Variants in MLLT1 observed in about 807,000 individuals in gnomAD.
The protein encoded by MLLT1 is MLLT1 super elongation complex subunit.
Under a neutral mutation model 55.1 loss-of-function variants are expected in MLLT1, and 11 were observed. The ratio of observed to expected loss-of-function variants is 0.20; its 90% CI spans 0.13 to 0.33. MLLT1 has a LOEUF of 0.33. Among genes scored for constraint, MLLT1 ranks in the 10% least tolerant of loss-of-function variants. The pLI is 1.00. For missense variants in MLLT1, 536 were observed against 760.6 expected, an observed-to-expected ratio of 0.70 and a Z score of 3.47; for synonymous variants, 323 against 320.1, an observed-to-expected ratio of 1.01 and a Z score of -0.10.
chr19:6,270,313 A>G lies in MLLT1; in HGVS notation c.193+266T>C, dbSNP rs1442035885. On this transcript the variant is annotated intron_variant, in intron 2 of 11. Transcript: ENST00000252674. This position sits in a 1 kb window ranked among gnomAD's most constrained non-coding sequence, Gnocchi z 7.1. The stretch of plus-strand genomic sequence containing the variant: ...GACTTCACCTGTCCCACCCATGCCA[A>G]CCTGGCTGTGCTCCCTGGCTGCTTC... Among the ~76,000 whole-genome samples the G allele has an allele frequency of 6.6e-6, 1 of 152,132 alleles. No homozygotes were observed. Among genetic ancestry groups the G allele is most frequent in the Non-Finnish European group, 1.5e-5 (1 of 68,010 alleles).
In MLLT1 at chr19:6,230,116, G is replaced by A. The variant is rs368285317; in HGVS notation, c.420+454C>T. ...TCCGGAGGGCTCGACTCCAGCCACC[G>A]CATGGGGGTCCCGGCCACACGACTC... On this transcript the variant is annotated intron_variant, in intron 4 of 11. Coordinates refer to ENST00000252674, the MANE Select transcript of MLLT1 (RefSeq NM_005934.4). This position sits in a 1 kb window ranked among gnomAD's most constrained non-coding sequence, Gnocchi z 9.0. 1.1e-4 allele frequency among the ~76,000 whole-genome samples: 17 copies of A among 152,072 alleles called. No homozygotes were observed. Among genetic ancestry groups the A allele is most frequent in the Admixed American group, 3.9e-4 (6 of 15,274 alleles).
At position 6,275,831 on chromosome 19, in the gene MLLT1, C is replaced by T. The variant is rs940073005; in HGVS notation, c.12+3942G>A. 9.2e-5 allele frequency among the ~76,000 whole-genome samples: 14 copies of T among 152,360 alleles called. No homozygotes were observed. The South Asian group carries it at 2.9e-3, about 32-fold the overall frequency. On this transcript the variant is annotated intron_variant, in intron 1 of 11. Transcript: ENST00000252674. ...TTCCCCTTTATAGGGTCTGCAGATT[C>T]CTGGTAAGACTGACTCTCTGACCAC...
rs201635778 is a variant in MLLT1 at position 6,213,096 on chromosome 19, C to G, written c.1626G>C (p.Leu542=). 4.3e-6 allele frequency: 7 copies of G among 1,613,960 alleles called. No homozygotes were observed. In the Admixed American group the frequency reaches 1.2e-4, roughly 27 times the overall value. ...GCAGTTTGCGCACGGTGGTCTCGTC[C>G]AGGGAGAAGAGGTCGAAGTCGAAGG... The part of the protein sequence containing the change: ...NTTFDFDLFS[L]DETTVRKLQS... Residue 542 remains leucine (L), a synonymous_variant, in exon 12 of 12, where the codon CTG becomes CTC. Coordinates refer to ENST00000252674, the MANE Select transcript of MLLT1 (RefSeq NM_005934.4).
chr19:6,235,156 TGG>T lies in MLLT1; in HGVS notation c.277-4445_277-4444del, dbSNP rs1162326384. Among the ~76,000 whole-genome samples the T allele has an allele frequency of 6.6e-6, 1 of 152,186 alleles. No individual in the cohort carries two copies. Among genetic ancestry groups the T allele is most frequent in the African/African-American group, 2.4e-5 (1 of 41,448 alleles). The stretch of plus-strand genomic sequence containing the variant: ...GGCTTGGCTGTGCAGGGACCACCTT[TGG>T]GTGGGTGACGGCTACGAGGGGGTTT... On this transcript the variant is annotated intron_variant, in intron 3 of 11. Coordinates refer to ENST00000252674, the MANE Select transcript of MLLT1 (RefSeq NM_005934.4). This position sits in a 1 kb window ranked among gnomAD's most constrained non-coding sequence, Gnocchi z 5.5.
chr19:6,212,319 C>A lies in MLLT1; in HGVS notation c.*723G>T, dbSNP rs1019951854. The A allele has an allele frequency of 4.7e-6, 5 of 1,065,458 alleles. No individual in the cohort carries two copies. Among genetic ancestry groups the A allele is most frequent in the African/African-American group, 1.6e-5 (1 of 60,986 alleles). The allele number at this position is 1,065,458 out of a possible 1,614,324, so 66.0% of individuals were successfully genotyped here. The stretch of plus-strand genomic sequence containing the variant: ...ACGGCAAAGGGAGAATTCCTCCATG[C>A]GCCTGGAGAGGGCCAGCTGCCGTGC... On this transcript the variant is annotated 3_prime_UTR_variant, in exon 12 of 12. Coordinates refer to ENST00000252674, the MANE Select transcript of MLLT1 (RefSeq NM_005934.4).
At position 6,235,810 on chromosome 19, in the gene MLLT1, C is replaced by T. The variant is rs372389199; in HGVS notation, c.277-5097G>A. The stretch of plus-strand genomic sequence containing the variant: ...GAGCCTGGAGGAGGCTCCACATCCT[C>T]GGTGCAGCCAGAGGGACATGCTGCC... On this transcript the variant is annotated intron_variant, in intron 3 of 11. Coordinates refer to ENST00000252674, the MANE Select transcript of MLLT1 (RefSeq NM_005934.4). This position sits in a 1 kb window ranked among gnomAD's most constrained non-coding sequence, Gnocchi z 5.5. Among the ~76,000 whole-genome samples, 61 of 152,304 alleles carry T rather than the reference C, an allele frequency of 4.0e-4. No individual in the cohort carries two copies. Among genetic ancestry groups the T allele is most frequent in the African/African-American group, 1.1e-3 (46 of 41,576 alleles).
In MLLT1 at chr19:6,211,666, A is replaced by G. The variant is rs2090773427; in HGVS notation, c.*1376T>C. 3.8e-6 allele frequency: 4 copies of G among 1,064,432 alleles called. No homozygotes were observed. In the Admixed American group the frequency reaches 1.6e-4, roughly 43 times the overall value. The allele number at this position is 1,064,432 out of a possible 1,614,324, so 65.9% of individuals were successfully genotyped here. ...AAGGACTTGAAAGGACTTGAAAGTCAGGGGGTTGAGAGGACTGGAGGCGCC... is the reference window on the plus strand; with the variant it reads ...AAGGACTTGAAAGGACTTGAAAGTCGGGGGGTTGAGAGGACTGGAGGCGCC... On this transcript the variant is annotated 3_prime_UTR_variant, in exon 12 of 12. Coordinates refer to ENST00000252674, the MANE Select transcript of MLLT1 (RefSeq NM_005934.4). This position sits in a 1 kb window ranked among gnomAD's most constrained non-coding sequence, Gnocchi z 4.6.
chr19:6,236,201 C>T (rs571354830), intron 3 of MLLT1, among the ~76,000 whole-genome samples: 7 of 152,344 alleles, frequency 4.6e-5, no homozygotes, highest in African/African-American at 7.2e-5. Context: ...GAAACAGCCA[C>T]GCAGCAGTGA....
At position 6,270,165 on chromosome 19, in the gene MLLT1, G is replaced by A. The variant is rs1285806234; in HGVS notation, c.193+414C>T. On this transcript the variant is annotated intron_variant, in intron 2 of 11. Coordinates refer to ENST00000252674, the MANE Select transcript of MLLT1 (RefSeq NM_005934.4). This position sits in a 1 kb window ranked among gnomAD's most constrained non-coding sequence, Gnocchi z 7.1. ...AGGCTTGAAGGGAGAGGGAAGACAC[G>A]GAAAAGACAGTGGTGACATGAGCTC... 2.7e-5 allele frequency among the ~76,000 whole-genome samples: 4 copies of A among 150,706 alleles called. No individual in the cohort carries two copies. The highest frequency in any genetic ancestry group is 4.4e-5 in the Non-Finnish European group (3 of 67,572).
intron 3 of MLLT1, among the ~76,000 whole-genome samples, chr19:6,258,592 G>A (rs1197763608): frequency 1.3e-5 from 2 of 152,188 alleles, no homozygotes; most frequent in African/African-American, 4.8e-5. Context: ...CCTACCAACA[G>A]GTCAAACAAA....
rs766834231 is a variant in MLLT1 at position 6,227,150 on chromosome 19, G to A, written c.421-48C>T. 5.1e-6 allele frequency: 8 copies of A among 1,557,462 alleles called. No homozygotes were observed. The highest frequency in any genetic ancestry group is 3.6e-5 in the South Asian group (3 of 83,896). ...CATTATCGATGGGCAGGGGGCAGGG[G>A]GCCCACACGGGCCGGGCTGAAGGTG... On this transcript the variant is annotated intron_variant, in intron 4 of 11. Coordinates refer to ENST00000252674, the MANE Select transcript of MLLT1 (RefSeq NM_005934.4). This position sits in a 1 kb window ranked among gnomAD's most constrained non-coding sequence, Gnocchi z 5.1.
At position 6,222,571 on chromosome 19, in the gene MLLT1, A is replaced by G. The variant is rs1156250391; in HGVS notation, c.660T>C (p.Arg220=). Residue 220 remains arginine, a synonymous_variant, in exon 6 of 12, where the codon CGT becomes CGC. Coordinates refer to ENST00000252674, the MANE Select transcript of MLLT1 (RefSeq NM_005934.4). The surrounding 1 kb of genome is among the most constrained non-coding windows in gnomAD (Gnocchi z 4.1). ...ESKSSSKELE[R]EQAKSSKDTS... ...TGTCCTTGGAGCTTTTGGCCTGCTCACGCTCCAGCTCCTTGGAGGAGCTCT... is the reference window on the plus strand; with the variant it reads ...TGTCCTTGGAGCTTTTGGCCTGCTCGCGCTCCAGCTCCTTGGAGGAGCTCT... 1 of 1,600,718 alleles carries G rather than the reference A, an allele frequency of 6.2e-7. No individual in the cohort carries two copies. The highest frequency in any genetic ancestry group is 1.1e-5 in the South Asian group (1 of 91,020).
In MLLT1 at chr19:6,262,148, C is replaced by G; in HGVS notation, c.276+80G>C. ...CATGGGCAGCGGCCAGTTCTCTGGC[C>G]TGTTTTGTGAACTGCCGTGGCACCC... On this transcript the variant is annotated intron_variant, in intron 3 of 11. Coordinates refer to ENST00000252674, the MANE Select transcript of MLLT1 (RefSeq NM_005934.4). This position sits in a 1 kb window ranked among gnomAD's most constrained non-coding sequence, Gnocchi z 4.4. 2 of 1,115,512 alleles carry G rather than the reference C, an allele frequency of 1.8e-6. No homozygotes were observed. The highest frequency in any genetic ancestry group is 2.7e-6 in the Non-Finnish European group (2 of 732,374). The allele number at this position is 1,115,512 out of a possible 1,614,324, so 69.1% of individuals were successfully genotyped here. A position where few individuals can be genotyped will look rare whatever the true frequency, so the allele number is the denominator to read the frequency against.
intron 3 of MLLT1, among the ~76,000 whole-genome samples, chr19:6,247,596 A>G (rs1478036219): frequency 6.6e-6 from 1 of 152,212 alleles, no homozygotes; most frequent in South Asian, 2.1e-4. Context: ...CAGTTAATAA[A>G]TGTAGAAAGG....
intron 3 of MLLT1, among the ~76,000 whole-genome samples, chr19:6,258,172 C>T (rs1423232851): frequency 2.6e-5 from 4 of 152,188 alleles, no homozygotes; most frequent in African/African-American, 9.7e-5. Context: ...GGCACTCAAA[C>T]AAGTACAAAC....
intron 3 of MLLT1, among the ~76,000 whole-genome samples, chr19:6,253,190 G>C (rs373675229): frequency 6.7e-6 from 1 of 148,466 alleles, no homozygotes; most frequent in African/African-American, 2.5e-5. Context: ...GCATGAACCC[G>C]GGAGGCAGAG....
intron 3 of MLLT1, among the ~76,000 whole-genome samples, chr19:6,247,229 C>T (rs1448639130): frequency 6.6e-6 from 1 of 152,140 alleles, no homozygotes; most frequent in Non-Finnish European, 1.5e-5. Context: ...ATGAGAGAAC[C>T]TAAACGCAGT....
chr19:6,223,733 G>A (rs2090927217), intron 5 of MLLT1, among the ~76,000 whole-genome samples: 2 of 152,082 alleles, frequency 1.3e-5, no homozygotes, highest in Non-Finnish European at 2.9e-5. Flanking sequence ...CATCCGATAG[G>A]CACACTGCCA....
chr19:6,220,686 T>C (rs929749498), intron 6 of MLLT1, among the ~76,000 whole-genome samples: 1 of 152,154 alleles, frequency 6.6e-6, no homozygotes, highest in Non-Finnish European at 1.5e-5. Context: ...CCAGAAGACC[T>C]CGCCTGGAGA....
Sources: gnomAD v4.1 joint callset for allele counts (sites outside exome capture counted in the v4.1 genomes callset) on GRCh38, gnomAD v4.1.1 for gene constraint, Gnocchi (gnomAD v3.1) non-coding constraint, MANE v1.5 for transcripts, NCBI Gene and HGNC (gene_info 2026-07-23, HGNC 2026-07-21) for gene names.